SDK1: variants seen among roughly 807,000 people sequenced by gnomAD.
The protein encoded by SDK1 is protein sidekick-1.
Under a neutral mutation model 245.5 loss-of-function variants are expected in SDK1, and 157 were observed. That is an observed-to-expected ratio of 0.64 (90% confidence interval 0.56 to 0.73). The LOEUF is 0.73. SDK1 is among the 30% of genes least tolerant of loss of function. The pLI, the probability that SDK1 is intolerant of heterozygous loss-of-function variation, is 0.00. For synonymous variants in SDK1, 1,647 were observed against 1,278.5 expected, an observed-to-expected ratio of 1.29 and a Z score of -6.15; for missense variants, 3,583 against 3,002.3, an observed-to-expected ratio of 1.19 and a Z score of -4.52.
chr7:3,672,068 T>C (rs1021388079), intron 4 of SDK1, among the ~76,000 whole-genome samples: 1 of 152,142 alleles, frequency 6.6e-6, no homozygotes, highest in African/African-American at 2.4e-5. Context: ...ATCCATGATA[T>C]GGGACACAGG....
chr7:3,415,383 G>A (rs940859356), intron 1 of SDK1, among the ~76,000 whole-genome samples: 4 of 152,064 alleles, frequency 2.6e-5, no homozygotes, highest in Admixed American at 6.5e-5. Context: ...GAAGTGTGTA[G>A]AGAAGTTATA....
intron 4 of SDK1, among the ~76,000 whole-genome samples, chr7:3,700,629 T>C (rs975411514): frequency 1.3e-5 from 2 of 151,664 alleles, no homozygotes; most frequent in Non-Finnish European, 2.9e-5. Context: ...AAAAAAGAAA[T>C]CAGGGAAACA....
chr7:3,452,447 C>T (rs1780543477), intron 1 of SDK1, among the ~76,000 whole-genome samples: 1 of 152,150 alleles, frequency 6.6e-6, no homozygotes, highest in African/African-American at 2.4e-5. Context: ...TTACTATAAA[C>T]ATCCCTGTAA....
intron 1 of SDK1, among the ~76,000 whole-genome samples, chr7:3,426,556 G>A (rs946772032): frequency 4.6e-5 from 7 of 152,206 alleles, no homozygotes; most frequent in African/African-American, 1.7e-4. Flanking sequence ...CCATAGGACA[G>A]TACCTAGCAC....
At chr7:4,002,581 G>T (rs930728154) in intron 14 of SDK1, among the ~76,000 whole-genome samples, 4 of 152,126 alleles carry the variant, frequency 2.6e-5, no homozygotes, top group African/African-American at 9.7e-5. Context: ...TTTCATTTCA[G>T]TTCCTTCCCA....
chr7:4,115,924 G>T (rs140059076), intron 25 of SDK1, among the ~76,000 whole-genome samples: 1 of 152,226 alleles, frequency 6.6e-6, no homozygotes, highest in Admixed American at 6.5e-5. Flanking sequence ...AGCCAAGTGC[G>T]TGACGGGTAT....
chr7:3,822,907 G>C (rs542597029), intron 5 of SDK1, among the ~76,000 whole-genome samples: 1 of 152,150 alleles, frequency 6.6e-6, no homozygotes, highest in Non-Finnish European at 1.5e-5. Flanking sequence ...GGGTGCAGGC[G>C]TCTGTGGGAG....
intron 1 of SDK1, among the ~76,000 whole-genome samples, chr7:3,345,636 T>C (rs1023938732): frequency 1.3e-5 from 2 of 152,192 alleles, no homozygotes; most frequent in Admixed American, 1.3e-4. Context: ...GTAACATGTT[T>C]TCAGAAACCC....
chr7:3,974,736 T>A, intron 13 of SDK1, 191 bp downstream of exon 13: 1 of 538,822 alleles, frequency 1.9e-6, no homozygotes, highest in Non-Finnish European at 3.3e-6. Flanking sequence ...ACTTCGGAAT[T>A]GAGAAGTTTC....
chr7:3,440,766 T>C (rs1490164547), intron 1 of SDK1, among the ~76,000 whole-genome samples: 1 of 152,098 alleles, frequency 6.6e-6, no homozygotes, highest in Admixed American at 6.5e-5. Flanking sequence ...ACAAGTAAAT[T>C]TATGCTGGTC....
intron 4 of SDK1, among the ~76,000 whole-genome samples, chr7:3,702,988 A>T (rs1784781844): frequency 6.6e-6 from 1 of 151,570 alleles, no homozygotes; most frequent in Non-Finnish European, 1.5e-5. Context: ...GCTGGTGGAG[A>T]TATAAATTGG....
intron 1 of SDK1, among the ~76,000 whole-genome samples, chr7:3,439,064 G>C (rs1780116289): frequency 6.6e-6 from 1 of 151,816 alleles, no homozygotes; most frequent in Admixed American, 6.6e-5. Flanking sequence ...CGTTGGCCAG[G>C]CTGGTCTCAA....
intron 1 of SDK1, among the ~76,000 whole-genome samples, chr7:3,467,993 T>C (rs191861119): frequency 6.6e-6 from 1 of 152,214 alleles, no homozygotes; most frequent in Admixed American, 6.5e-5. Flanking sequence ...TTAATGAAGA[T>C]TTTAAATCGT....
At chr7:3,326,988 A>G (rs184424420) in intron 1 of SDK1, among the ~76,000 whole-genome samples, 1 of 152,332 alleles carries the variant, frequency 6.6e-6, no homozygotes, top group East Asian at 1.9e-4. Context: ...CACCAATTGC[A>G]AAAGTGTAAT....
At chr7:3,677,233 T>A (rs1490260297) in intron 4 of SDK1, among the ~76,000 whole-genome samples, 1 of 152,180 alleles carries the variant, frequency 6.6e-6, no homozygotes, top group Non-Finnish European at 1.5e-5. Flanking sequence ...TGTAGGTGTG[T>A]ACACTATTTT....
At chr7:3,578,168 A>G (rs1422891449) in intron 1 of SDK1, among the ~76,000 whole-genome samples, 2 of 152,108 alleles carry the variant, frequency 1.3e-5, no homozygotes, top group South Asian at 4.2e-4. Flanking sequence ...AAAGAGAGGA[A>G]TTTTACAGTT....
intron 1 of SDK1, among the ~76,000 whole-genome samples, chr7:3,559,390 G>C (rs1454489369): frequency 6.6e-6 from 1 of 151,998 alleles, no homozygotes; most frequent in South Asian, 2.1e-4. Flanking sequence ...GACTCTGCTT[G>C]GATCCATTTC....
Position 3,412,037 on chromosome 7 carries a change from A to G in SDK1, c.298+110153A>G, listed in dbSNP as rs529083909. ...TAAAATTTCATTAGAAGAAAGGGAA[A>G]GAGGACATTGCCAGCAAAGATGGAG... On this transcript the variant is annotated intron_variant, in intron 1 of 44. Transcript: ENST00000404826. Among the ~76,000 whole-genome samples the G allele has an allele frequency of 2.2e-4, 33 of 152,360 alleles. No individual in the cohort carries two copies. The East Asian group carries it at 6.4e-3, about 29-fold the overall frequency.
In SDK1 at chr7:4,067,713, C is replaced by T. The variant is rs1779991822; in HGVS notation, c.2912-125C>T. The T allele has an allele frequency of 1.1e-5, 7 of 643,356 alleles. No individual in the cohort carries two copies. The South Asian group carries it at 1.4e-4, about 13-fold the overall frequency. The allele number at this position is 643,356 out of a possible 1,614,324, so 39.9% of individuals were successfully genotyped here. A position where few individuals can be genotyped will look rare whatever the true frequency, so the allele number is the denominator to read the frequency against. On this transcript the variant is annotated intron_variant, in intron 19 of 44. Coordinates refer to ENST00000404826, the MANE Select transcript of SDK1 (RefSeq NM_152744.4). ...CCTTCTTTCTGCATTCCACTGATGT[C>T]TCCTGCAGGGTTTTGCAGCCCCAGC...
Sources: gnomAD v4.1 joint callset for allele counts (sites outside exome capture counted in the v4.1 genomes callset) on GRCh38, gnomAD v4.1.1 for gene constraint, MANE v1.5 for transcripts, NCBI Gene and HGNC (gene_info 2026-07-23, HGNC 2026-07-21) for gene names.